Variants in PLCL1 observed in about 807,000 individuals in gnomAD.
PLCL1 encodes the protein phospholipase C like 1 (inactive), also known as inactive phospholipase C-like protein 1.
In PLCL1, 41 loss-of-function variants were observed where a neutral mutation model predicts 84.4. The observed-to-expected ratio is 0.49, with a 90% CI of 0.38 to 0.63. The LOEUF (loss-of-function observed/expected upper bound fraction) is 0.63, where lower values mean the gene tolerates loss of function less well. PLCL1 is among the 30% of genes least tolerant of loss of function. The pLI is 0.00. For missense variants in PLCL1, 1,206 were observed against 1,367.8 expected, an observed-to-expected ratio of 0.88 and a Z score of 1.87; for synonymous variants, 490 against 488.3, an observed-to-expected ratio of 1.00 and a Z score of -0.05.
At chr2:197,954,834 T>C (rs532092209) in intron 1 of PLCL1, among the ~76,000 whole-genome samples, 95 of 152,154 alleles carry the variant, frequency 6.2e-4, no homozygotes, top group African/African-American at 2.2e-3. Context: ...TAACAATCAG[T>C]GATAATTTTG....
In PLCL1 at chr2:198,067,220, C is replaced by T. The variant is rs542847619; in HGVS notation, c.241-16538C>T. 4.6e-5 allele frequency among the ~76,000 whole-genome samples: 7 copies of T among 151,604 alleles called. No homozygotes were observed. In the East Asian group the frequency reaches 5.9e-4, roughly 13 times the overall value. On this transcript the variant is annotated intron_variant, in intron 1 of 5. Transcript: ENST00000428675. ...CTCGGCTCACTGCAACCTCCCCTCC[C>T]GGATTCAAGTGATTCTCCTGCCTCA...
intron 1 of PLCL1, among the ~76,000 whole-genome samples, chr2:198,022,168 T>C (rs1268480446): frequency 6.6e-6 from 1 of 152,176 alleles, no homozygotes; most frequent in African/African-American, 2.4e-5. Context: ...GAAACGCCCT[T>C]CAATAAAATT....
chr2:197,867,978 T>C (rs1157706595), intron 1 of PLCL1, among the ~76,000 whole-genome samples: 2 of 152,208 alleles, frequency 1.3e-5, no homozygotes, highest in Non-Finnish European at 2.9e-5. Flanking sequence ...GTATACTGTA[T>C]ACTTTAAACA....
rs532411357 is a variant in PLCL1 at position 197,823,376 on chromosome 2, T to A, written c.240+18037T>A. On this transcript the variant is annotated intron_variant, in intron 1 of 5. Coordinates refer to ENST00000428675, the MANE Select transcript of PLCL1 (RefSeq NM_006226.4). The stretch of plus-strand genomic sequence containing the variant: ...TCTCTCTCTATATATATATATGTGG[T>A]TGGTGGTTTTTGGGAGGATTTAAAT... 2.6e-5 allele frequency among the ~76,000 whole-genome samples: 4 copies of A among 152,080 alleles called. No homozygotes were observed. In the South Asian group the frequency reaches 8.3e-4, roughly 32 times the overall value.
chr2:198,140,069 G>A (rs1694348489), intron 5 of PLCL1, among the ~76,000 whole-genome samples: 1 of 152,064 alleles, frequency 6.6e-6, no homozygotes, highest in African/African-American at 2.4e-5. Flanking sequence ...GAGTAGCTGG[G>A]ATTACAGGTG....
rs556457651 is a variant in PLCL1 at position 197,939,551 on chromosome 2, A to G, written c.240+134212A>G. Among the ~76,000 whole-genome samples the G allele has an allele frequency of 2.6e-5, 4 of 151,982 alleles. No homozygotes were observed. In the South Asian group the frequency reaches 6.2e-4, roughly 24 times the overall value. On this transcript the variant is annotated intron_variant, in intron 1 of 5. Coordinates refer to ENST00000428675, the MANE Select transcript of PLCL1 (RefSeq NM_006226.4). ...GCCATCTTCTCCTCCTGGTTTCTTC[A>G]TGTGGTCTTCCCTCTGTACCCATCC...
In PLCL1 at chr2:198,086,057, T is replaced by C; in HGVS notation, c.2540T>C (p.Ile847Thr). 1.9e-6 allele frequency: 3 copies of C among 1,614,084 alleles called. No individual in the cohort carries two copies. The highest frequency in any genetic ancestry group is 3.3e-5 in the Admixed American group (2 of 60,018). The change falls in exon 2 of 6, where the codon ATA (isoleucine) becomes ACA (threonine). Residue 847 changes from isoleucine (I) to threonine (T), a missense_variant. By Grantham distance (89) the Ile-to-Thr change is moderately conservative. Coordinates refer to ENST00000428675, the MANE Select transcript of PLCL1 (RefSeq NM_006226.4). Reference protein sequence around the residue: ...EHVTLFVHIAITNRSGGGKAQ... With the variant: ...EHVTLFVHIATTNRSGGGKAQ... ...GTAACCCTTTTTGTCCACATAGCAA[T>C]AACTAATCGAAGTGGAGGAGGAAAG...
intron 1 of PLCL1, among the ~76,000 whole-genome samples, chr2:197,866,900 C>T (rs764091436): frequency 9.8e-5 from 15 of 152,290 alleles, no homozygotes; most frequent in Non-Finnish European, 4.4e-5. Flanking sequence ...GGATTAACCC[C>T]ATGGCGATCA....
chr2:198,012,770 G>A (rs901045187), intron 1 of PLCL1, among the ~76,000 whole-genome samples: 1 of 150,448 alleles, frequency 6.6e-6, no homozygotes, highest in African/African-American at 2.4e-5. Context: ...AAACCTTAAC[G>A]AGTTTGAGTA....
rs561674380 is a variant in PLCL1 at position 198,042,629 on chromosome 2, C to A, written c.241-41129C>A. Among the ~76,000 whole-genome samples, 3 of 152,246 alleles carry A rather than the reference C, an allele frequency of 2.0e-5. No individual in the cohort carries two copies. In the East Asian group the frequency reaches 5.8e-4, roughly 29 times the overall value. On this transcript the variant is annotated intron_variant, in intron 1 of 5. Transcript: ENST00000428675. ...GAAGATAAGTGGGCCTGCATTACAG[C>A]TTTGGGGATAGGCAGATAATGGTAA...
chr2:198,051,983 C>G (rs540329469), intron 1 of PLCL1, among the ~76,000 whole-genome samples: 1 of 152,264 alleles, frequency 6.6e-6, no homozygotes, highest in African/African-American at 2.4e-5. Flanking sequence ...GATCTTGGCT[C>G]ACCACAACCT....
chr2:197,910,285 C>T (rs750085437), intron 1 of PLCL1, among the ~76,000 whole-genome samples: 1 of 152,196 alleles, frequency 6.6e-6, no homozygotes, highest in Non-Finnish European at 1.5e-5. Flanking sequence ...GCATTTTGTT[C>T]TGTAACCTTT....
At chr2:198,117,971 T>C (rs1015538888) in intron 5 of PLCL1, among the ~76,000 whole-genome samples, 2 of 151,866 alleles carry the variant, frequency 1.3e-5, no homozygotes, top group Non-Finnish European at 2.9e-5. Context: ...GCATAGTGTG[T>C]GCTTGTATAT....
intron 1 of PLCL1, among the ~76,000 whole-genome samples, chr2:197,908,251 T>C (rs1688420107): frequency 6.6e-6 from 1 of 152,194 alleles, no homozygotes; most frequent in South Asian, 2.1e-4. Flanking sequence ...TGTTAGGAAA[T>C]ATCAGTGCTG....
At chr2:198,090,647 T>C (rs1225946940) in intron 3 of PLCL1, among the ~76,000 whole-genome samples, 2 of 152,228 alleles carry the variant, frequency 1.3e-5, no homozygotes, top group Non-Finnish European at 2.9e-5. Flanking sequence ...GTATCTCATT[T>C]TTCATGAAAT....
intron 1 of PLCL1, among the ~76,000 whole-genome samples, chr2:197,881,474 A>G (rs540057419): frequency 3.9e-5 from 6 of 152,058 alleles, no homozygotes; most frequent in Admixed American, 2.6e-4. Flanking sequence ...TTTTTGCCAT[A>G]TACTGCTCTG....
rs1692866787 is a variant in PLCL1 at position 198,085,957 on chromosome 2, A to G, written c.2440A>G (p.Ile814Val). The change falls in exon 2 of 6, where the codon ATA (isoleucine) becomes GTA (valine). Residue 814 changes from isoleucine (I) to valine (V), a missense_variant. Physicochemically the swap from Ile to Val is conservative, Grantham distance 29. Transcript: ENST00000428675. The surrounding 1 kb of genome is among the most constrained non-coding windows in gnomAD (Gnocchi z 5.3). ...IGDEFIGQYT[I>V]PFECLQPGYR... ...GGATGAGTTTATAGGGCAATATACG[A>G]TACCATTTGAATGTTTGCAGCCTGG... 1 of 1,613,978 alleles carries G rather than the reference A, an allele frequency of 6.2e-7. No individual in the cohort carries two copies. Among genetic ancestry groups the G allele is most frequent in the African/African-American group, 1.3e-5 (1 of 74,900 alleles).
intron 1 of PLCL1, among the ~76,000 whole-genome samples, chr2:197,866,769 C>T (rs772980138): frequency 6.6e-6 from 1 of 152,140 alleles, no homozygotes; most frequent in Non-Finnish European, 1.5e-5. Flanking sequence ...AGATGCTTTT[C>T]CTTCTTTGTC....
intron 1 of PLCL1, among the ~76,000 whole-genome samples, chr2:198,022,770 C>G (rs183417625): frequency 8.3e-4 from 126 of 152,302 alleles, no homozygotes; most frequent in Non-Finnish European, 1.6e-3. Flanking sequence ...AATAGAAAAA[C>G]TTTCCATGTT....
Sources: gnomAD v4.1 joint callset for allele counts (sites outside exome capture counted in the v4.1 genomes callset) on GRCh38, gnomAD v4.1.1 for gene constraint, Gnocchi (gnomAD v3.1) non-coding constraint, MANE v1.5 for transcripts, NCBI Gene and HGNC (gene_info 2026-07-23, HGNC 2026-07-21) for gene names.